Variants in DLGAP1 observed in about 807,000 individuals in gnomAD.
The protein encoded by DLGAP1 is DLG associated protein 1, also known as disks large-associated protein 1.
In DLGAP1, 11 loss-of-function variants were observed where a neutral mutation model predicts 90.8. The ratio of observed to expected loss-of-function variants is 0.12; its 90% CI spans 0.08 to 0.20. DLGAP1 has a LOEUF of 0.20. DLGAP1 is among the 10% of genes least tolerant of loss of function. The probability of loss-of-function intolerance (pLI) is 1.00; values close to 1 mark genes in which losing one functional copy is unlikely to be tolerated. For synonymous variants in DLGAP1, 558 were observed against 540.7 expected, an observed-to-expected ratio of 1.03 and a Z score of -0.44; for missense variants, 1,050 against 1,333.8, an observed-to-expected ratio of 0.79 and a Z score of 3.31.
intron 2 of DLGAP1, among the ~76,000 whole-genome samples, chr18:4,110,495 C>T (rs1417625110): frequency 6.6e-6 from 1 of 152,076 alleles, no homozygotes; most frequent in East Asian, 1.9e-4. Flanking sequence ...ATTAGGAAAA[C>T]AAATCATCCA....
intron 7 of DLGAP1, among the ~76,000 whole-genome samples, chr18:3,632,713 T>C (rs1050879259): frequency 2.6e-5 from 4 of 152,210 alleles, no homozygotes; most frequent in African/African-American, 9.6e-5. Flanking sequence ...TTACTTTCCT[T>C]GGGAGCTTAT....
intron 5 of DLGAP1, among the ~76,000 whole-genome samples, chr18:3,779,173 T>C (rs1198107754): frequency 6.6e-6 from 1 of 152,228 alleles, no homozygotes; most frequent in Admixed American, 6.5e-5. Context: ...TCTCCTGTCC[T>C]GTCTCCCTGT....
At chr18:3,814,401 G>A (rs1486030183) in intron 4 of DLGAP1, 128 bp from the exon 5 acceptor site, 63 of 857,690 alleles carry the variant, frequency 7.3e-5, no homozygotes, top group Admixed American at 4.2e-4. Context: ...TTGCTTTGTC[G>A]CCCAGACTGG....
At chr18:3,783,086 C>T (rs368701507) in intron 5 of DLGAP1, among the ~76,000 whole-genome samples, 18 of 152,146 alleles carry the variant, frequency 1.2e-4, no homozygotes, top group East Asian at 9.6e-4. Context: ...CAATGCAAAT[C>T]AAAACCACAG....
Position 4,258,762 on chromosome 18 carries a change from T to C in DLGAP1, c.-266-107475A>G, listed in dbSNP as rs1273372608. 2.0e-5 allele frequency among the ~76,000 whole-genome samples: 3 copies of C among 151,804 alleles called. 1 individual carries two copies. Among genetic ancestry groups the C allele is most frequent in the African/African-American group, 4.9e-5 (2 of 41,094 alleles). ...CCTTATTGTAGTGCATTTACTCAAA[T>C]AGAAATGATCAGCAAAATAAAGGAG... On this transcript the variant is annotated intron_variant, in intron 1 of 12. Coordinates refer to ENST00000315677, the MANE Select transcript of DLGAP1 (RefSeq NM_004746.4).
chr18:4,358,650 C>T (rs1271944526), intron 1 of DLGAP1, among the ~76,000 whole-genome samples: 1 of 152,222 alleles, frequency 6.6e-6, no homozygotes, highest in Admixed American at 6.5e-5. Context: ...CCCTCTTGTT[C>T]TCGTGCCTTT....
At chr18:3,839,692 A>G (rs2068602234) in intron 4 of DLGAP1, among the ~76,000 whole-genome samples, 1 of 152,232 alleles carries the variant, frequency 6.6e-6, no homozygotes, top group South Asian at 2.1e-4. Flanking sequence ...CTTGTTTTAA[A>G]GACCCAGGAG....
intron 7 of DLGAP1, among the ~76,000 whole-genome samples, chr18:3,670,407 G>A (rs867000249): frequency 6.7e-6 from 1 of 149,978 alleles, no homozygotes; most frequent in South Asian, 2.1e-4. Flanking sequence ...TTGACTTCCT[G>A]GGAATTTCTC....
intron 8 of DLGAP1, among the ~76,000 whole-genome samples, chr18:3,576,908 G>A (rs1388892944): frequency 6.7e-6 from 1 of 149,974 alleles, no homozygotes; most frequent in Non-Finnish European, 1.5e-5. Flanking sequence ...TGTTGCCCAG[G>A]CTGGAGTGCA....
intron 1 of DLGAP1, among the ~76,000 whole-genome samples, chr18:4,258,367 C>A (rs1014777488): frequency 2.0e-5 from 3 of 152,070 alleles, no homozygotes; most frequent in Admixed American, 1.3e-4. Flanking sequence ...TTCAACATAG[C>A]CGTCAACACC....
chr18:4,355,194 T>C (rs573520121), intron 1 of DLGAP1, among the ~76,000 whole-genome samples: 1 of 152,336 alleles, frequency 6.6e-6, no homozygotes, highest in African/African-American at 2.4e-5. Flanking sequence ...ATGGCAGCTT[T>C]ACTCATAATA....
intron 5 of DLGAP1, among the ~76,000 whole-genome samples, chr18:3,746,046 C>G (rs1199105258): frequency 6.6e-6 from 1 of 151,900 alleles, no homozygotes. Context: ...AAGGAACTGA[C>G]AAAGCAGTAG....
At chr18:3,664,730 T>C (rs928197236) in intron 7 of DLGAP1, among the ~76,000 whole-genome samples, 1 of 152,188 alleles carries the variant, frequency 6.6e-6, no homozygotes, top group African/African-American at 2.4e-5. Flanking sequence ...GTAAACTCCA[T>C]GAGAACAAAG....
intron 7 of DLGAP1, among the ~76,000 whole-genome samples, chr18:3,602,392 GAGACCATCCTGGCTAAGAC>G (rs2057092941): frequency 6.6e-6 from 1 of 152,096 alleles, no homozygotes; most frequent in South Asian, 2.1e-4. Context: ...TCAGGAGATC[GAGACCATCCTGGCTAAGAC>G]AGTGAAACCC....
At chr18:3,738,125 G>C (rs945531212) in intron 6 of DLGAP1, among the ~76,000 whole-genome samples, 24 of 151,582 alleles carry the variant, frequency 1.6e-4, no homozygotes, top group Non-Finnish European at 3.1e-4. Context: ...AAATAAAAGA[G>C]GATACAAACA....
At chr18:3,785,817 C>T (rs562716372) in intron 5 of DLGAP1, among the ~76,000 whole-genome samples, 3 of 152,238 alleles carry the variant, frequency 2.0e-5, no homozygotes, top group African/African-American at 7.2e-5. Context: ...TCGCCCTATG[C>T]CTTAGGAGAA....
intron 7 of DLGAP1, among the ~76,000 whole-genome samples, chr18:3,698,653 T>C (rs2061176542): frequency 6.6e-6 from 1 of 152,174 alleles, no homozygotes; most frequent in African/African-American, 2.4e-5. Flanking sequence ...ATCTTTGTAG[T>C]GTTCTCTGTA....
intron 5 of DLGAP1, among the ~76,000 whole-genome samples, chr18:3,798,174 T>A (rs1458319263): frequency 6.6e-6 from 1 of 152,196 alleles, no homozygotes; most frequent in Non-Finnish European, 1.5e-5. Context: ...ACACATTAGT[T>A]TAGAATAGGT....
At chr18:3,552,786 T>C (rs965591972) in intron 9 of DLGAP1, among the ~76,000 whole-genome samples, 6 of 152,182 alleles carry the variant, frequency 3.9e-5, no homozygotes, top group African/African-American at 1.4e-4. Flanking sequence ...TTTAGCTCCA[T>C]CTTCATCCCC....
Sources: allele counts gnomAD v4.1 joint callset (sites outside exome capture counted in the v4.1 genomes callset), GRCh38; gene constraint gnomAD v4.1.1; transcripts MANE v1.5; gene names NCBI Gene and HGNC (gene_info 2026-07-23, HGNC 2026-07-21).